The following KCNIP1 variants were observed in gnomAD, a reference collection of about 807,000 sequenced individuals.
The protein encoded by KCNIP1 is potassium voltage-gated channel interacting protein 1.
A neutral mutation model predicts 33.0 loss-of-function variants in KCNIP1; 18 were observed. The observed-to-expected ratio is 0.55, with a 90% CI of 0.38 to 0.81. The LOEUF (loss-of-function observed/expected upper bound fraction) is 0.81, where lower values mean the gene tolerates loss of function less well. Among genes scored for constraint, KCNIP1 ranks in the 30% least tolerant of loss-of-function variants. The probability of loss-of-function intolerance (pLI) is 0.00; values close to 1 mark genes in which losing one functional copy is unlikely to be tolerated. For missense variants in KCNIP1, 238 were observed against 271.6 expected (o/e 0.88, Z 0.87); for synonymous variants, 93 against 98.3 (o/e 0.95, Z 0.32).
intron 1 of KCNIP1, among the ~76,000 whole-genome samples, chr5:170,491,698 G>C (rs773228754): frequency 1.2e-4 from 18 of 152,218 alleles, no homozygotes; most frequent in Non-Finnish European, 2.2e-4. Context: ...GTGCCTCACA[G>C]GAAGCCAAGA....
At chr5:170,492,857 C>T (rs751901874) in intron 1 of KCNIP1, among the ~76,000 whole-genome samples, 10 of 152,214 alleles carry the variant, frequency 6.6e-5, no homozygotes, top group Non-Finnish European at 1.0e-4. Flanking sequence ...TCAAGTGATT[C>T]TCCTGCCTCA....
At chr5:170,386,104 A>G (rs1348245605) in intron 1 of KCNIP1, among the ~76,000 whole-genome samples, 5 of 151,760 alleles carry the variant, frequency 3.3e-5, no homozygotes, top group Non-Finnish European at 7.4e-5. Context: ...CAGCCTGGGC[A>G]ACAAAGCAAG....
intron 1 of KCNIP1, among the ~76,000 whole-genome samples, chr5:170,388,023 C>CA (rs1365673849): frequency 6.7e-6 from 1 of 149,524 alleles, no homozygotes; most frequent in East Asian, 2.0e-4. Context: ...AATCAGCCCC[C>CA]CCCAGCGCCC....
intron 1 of KCNIP1, among the ~76,000 whole-genome samples, chr5:170,412,881 C>T (rs2113409964): frequency 6.6e-6 from 1 of 152,238 alleles, no homozygotes; most frequent in Non-Finnish European, 1.5e-5. Context: ...TGTAGCCCCA[C>T]CCCCTCATTT....
chr5:170,700,507 T>A (rs868788559), intron 1 of KCNIP1, among the ~76,000 whole-genome samples: 8 of 152,308 alleles, frequency 5.3e-5, no homozygotes, highest in South Asian at 2.1e-4. Flanking sequence ...AGGTTGGGGC[T>A]GTGGTAAGCC....
intron 5 of KCNIP1, among the ~76,000 whole-genome samples, chr5:170,727,909 C>G (rs983153461): frequency 1.3e-5 from 2 of 152,186 alleles, no homozygotes; most frequent in Non-Finnish European, 2.9e-5. Context: ...GCACCACACT[C>G]CAGCCTGGGC....
At chr5:170,648,060 T>A (rs888723026) in intron 1 of KCNIP1, among the ~76,000 whole-genome samples, 2 of 152,174 alleles carry the variant, frequency 1.3e-5, no homozygotes, top group African/African-American at 4.8e-5. Context: ...AATTGCTAAT[T>A]AAAACAATGA....
intron 1 of KCNIP1, among the ~76,000 whole-genome samples, chr5:170,532,835 T>C (rs894649052): frequency 2.0e-5 from 3 of 152,112 alleles, no homozygotes; most frequent in African/African-American, 7.2e-5. Context: ...CTTCCTTTCT[T>C]TCTGATCCTC....
chr5:170,723,691 C>G (rs1451048908), intron 5 of KCNIP1, among the ~76,000 whole-genome samples: 2 of 152,136 alleles, frequency 1.3e-5, no homozygotes, highest in Non-Finnish European at 2.9e-5. Context: ...GGTGAACAAT[C>G]AGACTAGGCC....
chr5:170,632,982 C>T (rs1006650681), intron 1 of KCNIP1, among the ~76,000 whole-genome samples: 1 of 152,086 alleles, frequency 6.6e-6, no homozygotes, highest in African/African-American at 2.4e-5. Context: ...TGGAAGAGGC[C>T]ATTTCCCTCC....
chr5:170,559,006 C>T (rs575577812), intron 1 of KCNIP1, among the ~76,000 whole-genome samples: 3 of 152,178 alleles, frequency 2.0e-5, no homozygotes, highest in Non-Finnish European at 2.9e-5. Flanking sequence ...CTCTTCCAAC[C>T]GAGGCAGGCA....
At chr5:170,637,176 C>T (rs541689481) in intron 1 of KCNIP1, among the ~76,000 whole-genome samples, 3 of 152,236 alleles carry the variant, frequency 2.0e-5, no homozygotes, top group African/African-American at 7.2e-5. Flanking sequence ...GTGGATTGTC[C>T]TTTCCAAGCA....
At chr5:170,417,633 C>T (rs1048327205) in intron 1 of KCNIP1, among the ~76,000 whole-genome samples, 1 of 152,184 alleles carries the variant, frequency 6.6e-6, no homozygotes, top group Non-Finnish European at 1.5e-5. Context: ...TCCCCATTCC[C>T]TGTTTTTTTT....
intron 1 of KCNIP1, among the ~76,000 whole-genome samples, chr5:170,479,726 G>A (rs1188698860): frequency 6.6e-6 from 1 of 152,138 alleles, no homozygotes; most frequent in East Asian, 1.9e-4. Context: ...GCATTGGTAG[G>A]ATATTTGTCA....
chr5:170,451,214 C>G (rs972477051), intron 1 of KCNIP1, among the ~76,000 whole-genome samples: 1 of 152,154 alleles, frequency 6.6e-6, no homozygotes, highest in Non-Finnish European at 1.5e-5. Flanking sequence ...ATTGTCTAAA[C>G]CACAAAAATG....
intron 1 of KCNIP1, among the ~76,000 whole-genome samples, chr5:170,442,024 C>T (rs892536233): frequency 2.0e-5 from 3 of 149,508 alleles, no homozygotes; most frequent in Non-Finnish European, 4.5e-5. Flanking sequence ...ATAGCTGATA[C>T]TCTATCCAGG....
chr5:170,385,202 G>T, intron 1 of KCNIP1: 2 of 1,172,870 alleles, frequency 1.7e-6, no homozygotes, highest in Non-Finnish European at 2.5e-6. Flanking sequence ...TCTTGACCCT[G>T]CTGCCTTGAA....
intron 1 of KCNIP1, among the ~76,000 whole-genome samples, chr5:170,363,370 G>C (rs1313777768): frequency 6.6e-6 from 1 of 152,224 alleles, no homozygotes; most frequent in Non-Finnish European, 1.5e-5. Context: ...TGATGCAGGA[G>C]ATTAAGGTTA....
At chr5:170,364,618 C>A (rs1013105550) in intron 1 of KCNIP1, among the ~76,000 whole-genome samples, 1 of 152,288 alleles carries the variant, frequency 6.6e-6, no homozygotes, top group South Asian at 2.1e-4. Context: ...TACCCCCAGG[C>A]TCTCTCCCTC....
Sources: allele counts gnomAD v4.1 joint callset (sites outside exome capture counted in the v4.1 genomes callset), GRCh38; gene constraint gnomAD v4.1.1; transcripts MANE v1.5; gene names NCBI Gene and HGNC (gene_info 2026-07-23, HGNC 2026-07-21).